NSD2: variants seen among roughly 807,000 people sequenced by gnomAD.
The protein encoded by NSD2 is nuclear receptor binding SET domain protein 2.
Under a neutral mutation model 139.0 loss-of-function variants are expected in NSD2, and 12 were observed. That is an observed-to-expected ratio of 0.09 (90% CI 0.06 to 0.14). NSD2 has a LOEUF of 0.14. Ranked by LOEUF, NSD2 falls within the 10% of genes least tolerant of loss-of-function variation. The pLI, the probability that NSD2 is intolerant of heterozygous loss-of-function variation, is 1.00. For synonymous variants in NSD2, 669 were observed against 648.7 expected, an observed-to-expected ratio of 1.03 and a Z score of -0.48; for missense variants, 1,155 against 1,745.0, an observed-to-expected ratio of 0.66 and a Z score of 6.02.
Position 1,978,105 on chromosome 4 carries a change from C to T in NSD2, c.3827-533C>T, listed in dbSNP as rs370804554. Among the ~76,000 whole-genome samples, 25 of 151,896 alleles carry T rather than the reference C, an allele frequency of 1.6e-4. No homozygotes were observed. The East Asian group carries it at 3.3e-3, about 20-fold the overall frequency. ...TTGCGCCACTGCTCTCCAGCCTGGG[C>T]GACAGAGCTAGACTCCATCTCAAAA... On this transcript the variant is annotated intron_variant, in intron 21 of 21. Coordinates refer to ENST00000508803, the MANE Select transcript of NSD2 (RefSeq NM_001042424.3).
intron 2 of NSD2, among the ~76,000 whole-genome samples, chr4:1,903,614 A>G (rs932931825): frequency 5.3e-5 from 8 of 152,212 alleles, no homozygotes; most frequent in Non-Finnish European, 1.0e-4. Context: ...AAGTACCATT[A>G]AAGACCGTCT....
At chr4:1,935,963 T>G (rs985740233) in intron 7 of NSD2, among the ~76,000 whole-genome samples, 1 of 152,236 alleles carries the variant, frequency 6.6e-6, no homozygotes, top group Admixed American at 6.5e-5. Context: ...ATTAGAGATA[T>G]GTGTTACATG....
chr4:1,901,199 G>A lies in NSD2; in HGVS notation c.545G>A (p.Gly182Asp), dbSNP rs1026029934. Residue 182 changes from glycine to aspartate, a missense_variant, in exon 2 of 22, where the codon GGC (glycine) becomes GAC (aspartate). Physicochemically the swap from Gly to Asp is moderately conservative, Grantham distance 94. Around this residue, in one of 8 missense-constraint regions of NSD2, gnomAD observed 246 missense variants for 262.8 expected, o/e 0.94. Coordinates refer to ENST00000508803, the MANE Select transcript of NSD2 (RefSeq NM_001042424.3). Reference sequence around the variant, plus strand: ...AAATATGACTCCTTGCTGGAGCAGGGCCTTGTCGAAGCAGCTCTTGTGTCT... The same window carrying A: ...AAATATGACTCCTTGCTGGAGCAGGACCTTGTCGAAGCAGCTCTTGTGTCT... Reference protein sequence around the residue: ...SIKYDSLLEQGLVEAALVSKI... With the variant: ...SIKYDSLLEQDLVEAALVSKI... 29 of 1,605,184 alleles carry A rather than the reference G, an allele frequency of 1.8e-5. No homozygotes were observed. Among genetic ancestry groups the A allele is most frequent in the African/African-American group, 1.7e-4 (13 of 74,356 alleles).
intron 7 of NSD2, 39 bp from the exon 8 acceptor site, chr4:1,938,412 C>CTTTGTTTTTTTTTTTTT: frequency 1.6e-6 from 1 of 635,580 alleles, no homozygotes. Flanking sequence ...TTTTTTTTTT[C>CTTTGTTTTTTTTTTTTT]TTTCTTTTTT....
intron 3 of NSD2, among the ~76,000 whole-genome samples, chr4:1,908,128 G>A (rs570919533): frequency 2.6e-5 from 4 of 152,142 alleles, no homozygotes; most frequent in Non-Finnish European, 4.4e-5. Flanking sequence ...ATGCATACTC[G>A]GCATCTGGTG....
Position 1,955,814 on chromosome 4 carries a change from C to G in NSD2, c.2640C>G (p.Phe880Leu), listed in dbSNP as rs1484701021. ...NDCRAGKKLH[F>L]QDIIWVKLGN... ...GCAGGGCTGGGAAGAAGCTGCACTT[C>G]CAGGATATCATTTGGGTGAAACTTG... Residue 880 changes from phenylalanine to leucine, a missense_variant, in exon 14 of 22, where the codon TTC (phenylalanine) becomes TTG (leucine). This residue lies in a region of NSD2 where 139 missense variants were observed against 485.8 expected (regional missense o/e 0.29). Transcript: ENST00000508803. This position sits in a 1 kb window ranked among gnomAD's most constrained non-coding sequence, Gnocchi z 4.7. 1.2e-6 allele frequency: 2 copies of G among 1,614,192 alleles called. No homozygotes were observed. The highest frequency in any genetic ancestry group is 1.3e-5 in the African/African-American group (1 of 75,058).
intron 9 of NSD2, chr4:1,943,886 T>C: frequency 7.5e-6 from 8 of 1,063,412 alleles, no homozygotes; most frequent in Non-Finnish European, 9.1e-6. Flanking sequence ...GAATTTTGCA[T>C]GGGTGGCCAG....
chr4:1,935,874 CAAAAA>C, intron 7 of NSD2, among the ~76,000 whole-genome samples: 1 of 151,702 alleles, frequency 6.6e-6, no homozygotes, highest in East Asian at 1.9e-4. Context: ...AAAAAACAAA[CAAAAA>C]AACCCCCAAA....
At position 1,953,003 on chromosome 4, in the gene NSD2, A is replaced by T. The variant is rs532589753; in HGVS notation, c.2138-321A>T. 6 of 1,438,126 alleles carry T rather than the reference A, an allele frequency of 4.2e-6. No homozygotes were observed. The African/African-American group carries it at 7.2e-5, about 17-fold the overall frequency. The allele number at this position is 1,438,126 out of a possible 1,614,324, so 89.1% of individuals were successfully genotyped here. A position where few individuals can be genotyped will look rare whatever the true frequency, so the allele number is the denominator to read the frequency against. On this transcript the variant is annotated intron_variant, in intron 11 of 21. Coordinates refer to ENST00000508803, the MANE Select transcript of NSD2 (RefSeq NM_001042424.3). ...CACCACTGGCCAGCTGCTCTCAAGG[A>T]GGAAAGGCCTCTTTTCATAGGAGCC... is the stretch of plus-strand genomic sequence containing the variant.
intron 5 of NSD2, among the ~76,000 whole-genome samples, chr4:1,925,385 C>CT (rs1197643100): frequency 1.2e-5 from 1 of 86,808 alleles, no homozygotes. Context: ...TTTTCTTTTT[C>CT]TTTCTTTTTT....
intron 3 of NSD2, among the ~76,000 whole-genome samples, chr4:1,914,444 G>A (rs1719092528): frequency 1.3e-5 from 2 of 152,062 alleles, no homozygotes; most frequent in Admixed American, 1.3e-4. Context: ...TCCCGCCTCA[G>A]CCTCCTGAGT....
intron 1 of NSD2, among the ~76,000 whole-genome samples, chr4:1,875,865 C>T (rs190534104): frequency 2.5e-3 from 381 of 149,892 alleles, no homozygotes; most frequent in African/African-American, 9.0e-3. Flanking sequence ...GCCAAGACTG[C>T]GCCACTGCAC....
chr4:1,923,916 T>G (rs1174190923), intron 5 of NSD2, among the ~76,000 whole-genome samples: 1 of 152,200 alleles, frequency 6.6e-6, no homozygotes, highest in African/African-American at 2.4e-5. Context: ...AAGGGCCACA[T>G]ACCCACAACT....
chr4:1,875,877 C>G (rs1159800488), intron 1 of NSD2, among the ~76,000 whole-genome samples: 1 of 149,634 alleles, frequency 6.7e-6, no homozygotes, highest in Non-Finnish European at 1.5e-5. Context: ...CCACTGCACT[C>G]CAGCCTGGGA....
chr4:1,945,701 C>G (rs1382724612), intron 9 of NSD2: 1 of 1,063,370 alleles, frequency 9.4e-7, no homozygotes, highest in South Asian at 4.6e-5. Context: ...CTCGTTTGAT[C>G]CAGTTGAGTT....
intron 6 of NSD2, among the ~76,000 whole-genome samples, chr4:1,932,087 A>T (rs1010796882): frequency 5.9e-5 from 9 of 152,172 alleles, no homozygotes; most frequent in Non-Finnish European, 8.8e-5. Flanking sequence ...CCTGGTGCTA[A>T]CAACTAGGAT....
chr4:1,925,960 G>A (rs1009105313), intron 5 of NSD2, among the ~76,000 whole-genome samples: 25 of 151,262 alleles, frequency 1.7e-4, no homozygotes, highest in African/African-American at 4.1e-4. Context: ...GTGCCACCAC[G>A]CCTGGCTAAC....
intron 1 of NSD2, among the ~76,000 whole-genome samples, chr4:1,880,755 C>G (rs375105245): frequency 6.6e-6 from 1 of 152,090 alleles, no homozygotes; most frequent in African/African-American, 2.4e-5. Context: ...ACCAGTAAGC[C>G]ATACTCATCA....
chr4:1,919,312 G>A lies in NSD2; in HGVS notation c.1410+689G>A, dbSNP rs1043489631. On this transcript the variant is annotated intron_variant, in intron 5 of 21. Coordinates refer to ENST00000508803, the MANE Select transcript of NSD2 (RefSeq NM_001042424.3). ...GTCTGTTCTGAAGCTTCCAGTGCAG[G>A]ATATGCTCATCTGTAAAGCTCATTG... 2.6e-5 allele frequency: 4 copies of A among 152,164 alleles called. No homozygotes were observed. In the South Asian group the frequency reaches 8.3e-4, roughly 31 times the overall value. The allele number at this position is 152,164 out of a possible 1,614,324, so 9.4% of individuals were successfully genotyped here.
Sources: allele counts gnomAD v4.1 joint callset (sites outside exome capture counted in the v4.1 genomes callset), GRCh38; gene constraint gnomAD v4.1.1; regional missense constraint gnomAD v4.1.1; non-coding constraint Gnocchi (gnomAD v3.1); transcripts MANE v1.5; gene names NCBI Gene and HGNC (gene_info 2026-07-23, HGNC 2026-07-21).